Variants in ZNF276 observed in about 807,000 individuals in gnomAD.
ZNF276 encodes zinc finger protein 276, also known as centromere protein Z.
A neutral mutation model predicts 63.9 loss-of-function variants in ZNF276; 59 were observed. The ratio of observed to expected loss-of-function variants is 0.92; its 90% CI spans 0.75 to 1.15. The LOEUF is 1.15. ZNF276 is among the 50% of genes most tolerant of loss of function. The pLI is 0.00. For synonymous variants in ZNF276, 496 were observed against 348.4 expected, an observed-to-expected ratio of 1.42 and a Z score of -4.72; for missense variants, 1,084 against 843.8, an observed-to-expected ratio of 1.28 and a Z score of -3.53.
rs575904998 is a variant in ZNF276 at position 89,726,854 on chromosome 16, C to T, written c.1007-425C>T. 2.7e-5 allele frequency among the ~76,000 whole-genome samples: 4 copies of T among 150,468 alleles called. No individual in the cohort carries two copies. In the East Asian group the frequency reaches 7.7e-4, roughly 29 times the overall value. ...AGAGATGGGGTTTCACCACGTTGGC[C>T]AGGCTGGTCTCGATCTCCTGACCTC... is the stretch of plus-strand genomic sequence containing the variant. On this transcript the variant is annotated intron_variant, in intron 4 of 10. Coordinates refer to ENST00000443381, the MANE Select transcript of ZNF276 (RefSeq NM_001113525.2).
In ZNF276 at chr16:89,738,463, A is replaced by T. The variant is rs775549018; in HGVS notation, c.*217A>T. ...TGAGTGACTCGGGGCCGGACAGTTC[A>T]TAAATAATTGATTCCTTTCCCCACT... On this transcript the variant is annotated 3_prime_UTR_variant, in exon 11 of 11. Transcript: ENST00000443381. 4.0e-4 allele frequency: 583 copies of T among 1,448,430 alleles called. 1 individual carries two copies. The highest frequency in any genetic ancestry group is 1.4e-3 in the Middle Eastern group (6 of 4,158). The allele number at this position is 1,448,430 out of a possible 1,614,324, so 89.7% of individuals were successfully genotyped here.
intron 6 of ZNF276, among the ~76,000 whole-genome samples, chr16:89,730,565 C>G (rs1278553284): frequency 1.3e-5 from 2 of 152,212 alleles, no homozygotes; most frequent in Non-Finnish European, 2.9e-5. Flanking sequence ...ACTAGTCCCT[C>G]TGGGACCCCA....
rs1334273885 is a variant in ZNF276, at chr16:89,738,761, A to G, written c.*515A>G. The G allele has an allele frequency of 1.2e-6, 2 of 1,612,566 alleles. No homozygotes were observed. The highest frequency in any genetic ancestry group is 1.7e-5 in the Admixed American group (1 of 59,626). On this transcript the variant is annotated 3_prime_UTR_variant, in exon 11 of 11. Transcript: ENST00000443381. ...CATGCCGCCCACTAGGCCTCAGACC[A>G]CAGGGGAGGGGCTCTGGCAGAAATA...
At chr16:89,729,387 G>A in intron 6 of ZNF276, 69 bp downstream of exon 6, 2 of 1,405,454 alleles carry the variant, frequency 1.4e-6, no homozygotes, top group Non-Finnish European at 2.0e-6. Flanking sequence ...TGTGCTCCAG[G>A]GCCTCTCCCC....
upstream of ZNF276, chr16:89,720,633 G>C (rs1171005858): frequency 1.6e-6 from 2 of 1,223,906 alleles, no homozygotes; most frequent in South Asian, 3.1e-5. Flanking sequence ...CGGGAACCGC[G>C]GCCCGGGATC....
At chr16:89,733,262 A>T in intron 6 of ZNF276, 40 bp from the exon 7 acceptor site, 1 of 1,565,832 alleles carries the variant, frequency 6.4e-7, no homozygotes, top group Non-Finnish European at 8.7e-7. Context: ...TTGCAAATGG[A>T]GATCAGAAAC....
intron 6 of ZNF276, among the ~76,000 whole-genome samples, chr16:89,730,226 A>G (rs1366462103): frequency 1.3e-5 from 2 of 152,218 alleles, no homozygotes; most frequent in African/African-American, 4.8e-5. Flanking sequence ...CAGCATGAAC[A>G]GAAAACTGGT....
rs2062008902 is a variant in ZNF276 at position 89,738,097 on chromosome 16, G to A, written c.1696G>A (p.Ala566Thr). The change falls in exon 11 of 11, where the codon GCC becomes ACC. Residue 566 changes from alanine to threonine, a missense_variant. Physicochemically the swap from Ala to Thr is moderately conservative, Grantham distance 58. Coordinates refer to ENST00000443381, the MANE Select transcript of ZNF276 (RefSeq NM_001113525.2). ...CDQCGRRFEK[A>T]HNLNVHMSMV... ...CCAGTGTGGCCGGCGGTTTGAGAAG[G>A]CCCACAACCTCAATGTACACATGTC... is the stretch of plus-strand genomic sequence containing the variant. 3 of 1,613,998 alleles carry A rather than the reference G, an allele frequency of 1.9e-6. No individual in the cohort carries two copies. Among genetic ancestry groups the A allele is most frequent in the Non-Finnish European group, 1.7e-6 (2 of 1,180,034 alleles).
chr16:89,724,290 G>A lies in ZNF276; in HGVS notation c.1006+581G>A, dbSNP rs200957451. 4.4e-3 allele frequency among the ~76,000 whole-genome samples: 669 copies of A among 152,244 alleles called. 14 individuals are homozygous for A. The highest frequency in any genetic ancestry group is 1.3e-3 in the Non-Finnish European group (91 of 68,020). On this transcript the variant is annotated intron_variant, in intron 4 of 10. Coordinates refer to ENST00000443381, the MANE Select transcript of ZNF276 (RefSeq NM_001113525.2). ...GGAGGGCCAGGGCCAGTTTCCCTCCGGCCTCTTGTCCTGTGTGTGCTCTGT... is the reference window on the plus strand; with the variant it reads ...GGAGGGCCAGGGCCAGTTTCCCTCCAGCCTCTTGTCCTGTGTGTGCTCTGT...
chr16:89,737,936 C>G, intron 10 of ZNF276, 31 bp downstream of exon 10: 1 of 1,613,922 alleles, frequency 6.2e-7, no homozygotes. Context: ...CCTCCCAGGG[C>G]TGTGGCCCTC....
At chr16:89,721,042 C>T (rs1443151835), upstream of ZNF276, 2 of 524,888 alleles carry the variant, frequency 3.8e-6, no homozygotes, top group African/African-American at 2.0e-5. Context: ...GTGTTAGTGG[C>T]GGGGGCGGCA....
chr16:89,725,513 C>T (rs1354529188), intron 4 of ZNF276, among the ~76,000 whole-genome samples: 3 of 146,706 alleles, frequency 2.0e-5, no homozygotes, highest in African/African-American at 7.5e-5. Context: ...TATTTTAGGC[C>T]AAGTGCAGTG....
Position 89,740,780 on chromosome 16 carries a change from C to G in ZNF276, c.*2534C>G. ...CCTGGCCCACAGTGGGAGAGGACACCTTGGCTGGTAAGGTCTGACTTACAT... is the reference window on the plus strand; with the variant it reads ...CCTGGCCCACAGTGGGAGAGGACACGTTGGCTGGTAAGGTCTGACTTACAT... On this transcript the variant is annotated 3_prime_UTR_variant, in exon 11 of 11. Transcript: ENST00000443381. 6.2e-7 allele frequency: 1 copy of G among 1,610,816 alleles called. No homozygotes were observed. The highest frequency in any genetic ancestry group is 1.1e-5 in the South Asian group (1 of 90,644).
chr16:89,720,630 C>CGTG (rs2061235365), upstream of ZNF276: 2 of 1,227,160 alleles, frequency 1.6e-6, no homozygotes, highest in African/African-American at 3.2e-5. Flanking sequence ...GCCCGGGAAC[C>CGTG]GCGGCCCGGG....
At chr16:89,737,768 C>T in intron 9 of ZNF276, 38 bp from the exon 10 acceptor site, 1 of 1,612,218 alleles carries the variant, frequency 6.2e-7, no homozygotes, top group Non-Finnish European at 8.5e-7. Context: ...GAGGTTGGAG[C>T]ATCAGGGGCC....
intron 9 of ZNF276, among the ~76,000 whole-genome samples, chr16:89,737,259 C>G (rs1478393709): frequency 6.6e-6 from 1 of 152,152 alleles, no homozygotes; most frequent in Non-Finnish European, 1.5e-5. Context: ...CGGTGGCTCA[C>G]ACATGTAATC....
rs368448465 is a variant in ZNF276 at position 89,733,466 on chromosome 16, A to G, written c.1281-16A>G. The G allele has an allele frequency of 2.5e-6, 4 of 1,614,040 alleles. No individual in the cohort carries two copies. Among genetic ancestry groups the G allele is most frequent in the South Asian group, 1.1e-5 (1 of 91,090 alleles). ...GCCTGTCGGGGCCGGGGCTCCATGC[A>G]TGCTCTTCATTGCAGGGAGGAGCTT... On this transcript the variant is annotated splice_polypyrimidine_tract_variant and intron_variant, in intron 7 of 10. Coordinates refer to ENST00000443381, the MANE Select transcript of ZNF276 (RefSeq NM_001113525.2).
intron 6 of ZNF276, chr16:89,732,967 CCT>C: frequency 3.0e-6 from 1 of 335,866 alleles, no homozygotes; most frequent in Non-Finnish European, 5.8e-6. Flanking sequence ...GTGCCCTCCC[CCT>C]CTGCTGTGTT....
chr16:89,734,766 G>A (rs1158118930), intron 9 of ZNF276, among the ~76,000 whole-genome samples: 2 of 152,182 alleles, frequency 1.3e-5, no homozygotes, highest in South Asian at 4.1e-4. Flanking sequence ...GCGGATGGGG[G>A]AATTATGACT....
Sources: gnomAD v4.1 joint callset for allele counts (sites outside exome capture counted in the v4.1 genomes callset) on GRCh38, gnomAD v4.1.1 for gene constraint, MANE v1.5 for transcripts, NCBI Gene and HGNC (gene_info 2026-07-23, HGNC 2026-07-21) for gene names.